The following THOC5 variants were observed in gnomAD, a reference collection of about 807,000 sequenced individuals.
THOC5 encodes Fms-interacting protein.
A neutral mutation model predicts 92.9 loss-of-function variants in THOC5; 43 were observed. The ratio of observed to expected loss-of-function variants is 0.46; its 90% confidence interval spans 0.36 to 0.60. The LOEUF is 0.60. Ranked by LOEUF, THOC5 falls within the 20% of genes least tolerant of loss-of-function variation. THOC5 has a pLI of 0.00. For missense variants in THOC5, 659 were observed against 849.4 expected, an observed-to-expected ratio of 0.78 and a Z score of 2.79; for synonymous variants, 296 against 320.1, an observed-to-expected ratio of 0.92 and a Z score of 0.80.
intron 17 of THOC5, among the ~76,000 whole-genome samples, chr22:29,513,387 C>T (rs950575006): frequency 5.3e-5 from 8 of 150,302 alleles, no homozygotes; most frequent in Non-Finnish European, 1.2e-4. Flanking sequence ...GCTTTACCTC[C>T]CCCTGTCCCC....
rs1310384614 is a variant in THOC5, at chr22:29,553,662, C to T, written c.-12+9G>A. Reference sequence around the variant, plus strand: ...TCTCCCAGCCCCACTGCCCTTGTCCCCTCCTCACCTCACAGCTCCAAGAAC... The same window carrying T: ...TCTCCCAGCCCCACTGCCCTTGTCCTCTCCTCACCTCACAGCTCCAAGAAC... On this transcript the variant is annotated intron_variant, in intron 1 of 19. Coordinates refer to ENST00000490103, the MANE Select transcript of THOC5 (RefSeq NM_003678.5). 6.6e-6 allele frequency: 1 copy of T among 152,540 alleles called. No individual in the cohort carries two copies. Among genetic ancestry groups the T allele is most frequent in the Non-Finnish European group, 1.5e-5 (1 of 68,224 alleles). The allele number at this position is 152,540 out of a possible 1,614,324, so 9.4% of individuals were successfully genotyped here.
At chr22:29,515,876 G>C (rs2063323833) in intron 17 of THOC5, among the ~76,000 whole-genome samples, 1 of 152,098 alleles carries the variant, frequency 6.6e-6, no homozygotes, top group African/African-American at 2.4e-5. Context: ...GGCCAGGCAT[G>C]ATGGCTGATG....
At chr22:29,525,795 C>G in intron 12 of THOC5, 43 bp downstream of exon 12, 1 of 1,521,730 alleles carries the variant, frequency 6.6e-7, no homozygotes, top group Non-Finnish European at 9.1e-7. Context: ...CTCTCATCAC[C>G]TCCCCATCCC....
At chr22:29,510,992 C>A in intron 19 of THOC5, 114 bp downstream of exon 19, 2 of 1,139,876 alleles carry the variant, frequency 1.8e-6, no homozygotes, top group East Asian at 2.4e-5. Context: ...TGATAGGCAT[C>A]GGCTGCAGGG....
At chr22:29,552,950 T>C (rs1167124730) in intron 1 of THOC5, among the ~76,000 whole-genome samples, 3 of 152,160 alleles carry the variant, frequency 2.0e-5, no homozygotes, top group Non-Finnish European at 4.4e-5. Context: ...CCCAACCCCG[T>C]GCTCTCTGAA....
rs748590222 is a variant in THOC5 at position 29,539,381 on chromosome 22, G to C, written c.548C>G (p.Pro183Arg). The C allele has an allele frequency of 1.9e-6, 3 of 1,614,018 alleles. No individual in the cohort carries two copies. The South Asian group carries it at 3.3e-5, about 18-fold the overall frequency. The part of the protein sequence containing the change: ...ISKAEVTMGD[P>R]HQQTLARLDW... ...CAGACGTGCCAGTGTTTGCTGGTGA[G>C]GGTCTCCCATGGTGACTTCGGCCTT... is the stretch of plus-strand genomic sequence containing the variant. Residue 183 changes from proline (P) to arginine (R), a missense_variant, in exon 6 of 20, where the codon CCT (proline) becomes CGT (arginine). Physicochemically the swap from Pro to Arg is moderately radical, Grantham distance 103. Transcript: ENST00000490103.
At chr22:29,512,399 C>T (rs1354313410) in intron 17 of THOC5, among the ~76,000 whole-genome samples, 1 of 152,196 alleles carries the variant, frequency 6.6e-6, no homozygotes, top group African/African-American at 2.4e-5. Flanking sequence ...GAGTCTGGTC[C>T]ACCTTGGCTC....
intron 7 of THOC5, among the ~76,000 whole-genome samples, chr22:29,534,286 G>T (rs1267930963): frequency 6.6e-6 from 1 of 152,182 alleles, no homozygotes; most frequent in African/African-American, 2.4e-5. Flanking sequence ...GGAAGATAGG[G>T]ACTGCGAGGG....
Position 29,541,804 on chromosome 22 carries a change from T to G in THOC5, c.452+1055A>C, listed in dbSNP as rs530194366. On this transcript the variant is annotated intron_variant, in intron 5 of 19. Transcript: ENST00000490103. ...TGAACCCGGGAGGCGGAGCTTGCAG[T>G]GAGCCGAGATCACGCCACTGCACTC... Among the ~76,000 whole-genome samples, 271 of 130,280 alleles carry G rather than the reference T, an allele frequency of 2.1e-3. 1 individual carries two copies. The highest frequency in any genetic ancestry group is 4.3e-3 in the Admixed American group (48 of 11,160). The allele number at this position is 130,280 out of a possible 152,430, so 85.5% of individuals were successfully genotyped here. A position where few individuals can be genotyped will look rare whatever the true frequency, so the allele number is the denominator to read the frequency against.
At chr22:29,531,265 G>A (rs933754848) in intron 8 of THOC5, 52 of 985,284 alleles carry the variant, frequency 5.3e-5, no homozygotes, top group Non-Finnish European at 6.3e-5. Context: ...GGGTGGGGTG[G>A]GGGAGAAAAT....
rs776653832 is a variant in THOC5 at position 29,521,115 on chromosome 22, CAGTA to C, written c.1176-20_1176-17del. 16 of 1,584,842 alleles carry C rather than the reference CAGTA, an allele frequency of 1.0e-5. No homozygotes were observed. Among genetic ancestry groups the C allele is most frequent in the Non-Finnish European group, 1.4e-5 (16 of 1,153,748 alleles). On this transcript the variant is annotated splice_polypyrimidine_tract_variant and intron_variant, in intron 12 of 19. Transcript: ENST00000490103. Reference sequence around the variant, plus strand: ...CAGCAAGTCACTAGAAAAGGAAAAACAGTAAGCAGTGAGAATGCAGCCAACATCT... The same window carrying C: ...CAGCAAGTCACTAGAAAAGGAAAAACAGCAGTGAGAATGCAGCCAACATCT...
At chr22:29,517,168 C>G in intron 16 of THOC5, 52 bp from the exon 17 acceptor site, 1 of 1,609,422 alleles carries the variant, frequency 6.2e-7, no homozygotes, top group Non-Finnish European at 8.5e-7. Context: ...TCTGGTTAAA[C>G]CCCCTGCTCT....
rs1356687933 is a variant in THOC5 at position 29,538,675 on chromosome 22, T to C, written c.599+655A>G. The stretch of plus-strand genomic sequence containing the variant: ...AGCCAGGCATGGTGGCAGGCACCCA[T>C]AGTCCTGGCTACTTGGGAGGCTGAG... On this transcript the variant is annotated intron_variant, in intron 6 of 19. Coordinates refer to ENST00000490103, the MANE Select transcript of THOC5 (RefSeq NM_003678.5). 3.3e-5 allele frequency among the ~76,000 whole-genome samples: 5 copies of C among 151,720 alleles called. No individual in the cohort carries two copies. The South Asian group carries it at 6.3e-4, about 19-fold the overall frequency.
chr22:29,539,168 G>T (rs1035567818), intron 6 of THOC5, among the ~76,000 whole-genome samples, 162 bp downstream of exon 6: 3 of 150,518 alleles, frequency 2.0e-5, no homozygotes, highest in Non-Finnish European at 4.4e-5. Context: ...CATCCATGAT[G>T]AGGTTGGTGA....
In THOC5 at chr22:29,544,517, C is replaced by T. The variant is rs760049541; in HGVS notation, c.183G>A (p.Glu61=). 4 of 1,614,122 alleles carry T rather than the reference C, an allele frequency of 2.5e-6. No homozygotes were observed. The highest frequency in any genetic ancestry group is 1.7e-5 in the Admixed American group (1 of 60,018). Residue 61 remains glutamate (E), a synonymous_variant, in exon 3 of 20, where the codon GAG becomes GAA. Transcript: ENST00000490103. ...GGATCTCAGCCATCAGCCTCTGTAG[C>T]TCCTGGCAGGTGTACTTGTATAACT... The part of the protein sequence containing the change: ...DYELYKYTCQ[E]LQRLMAEIQD...
Position 29,528,167 on chromosome 22 carries a change from C to G in THOC5, c.977G>C (p.Arg326Thr). The G allele has an allele frequency of 6.2e-7, 1 of 1,614,162 alleles. No individual in the cohort carries two copies. The highest frequency in any genetic ancestry group is 1.1e-5 in the South Asian group (1 of 91,072). Reference protein sequence around the residue: ...AEEEQTTKRRRPTLGVQLDDK... With the variant: ...AEEEQTTKRRTPTLGVQLDDK... ...GTCCAACTGAACCCCCAGTGTGGGT[C>G]TCCGGCGCTTCTGGACAAAGGAAAG... Residue 326 changes from arginine to threonine, a missense_variant, in exon 11 of 20, where the codon AGA (arginine) becomes ACA (threonine). Physicochemically the swap from Arg to Thr is moderately conservative, Grantham distance 71 (BLOSUM62 -1). Coordinates refer to ENST00000490103, the MANE Select transcript of THOC5 (RefSeq NM_003678.5).
intron 1 of THOC5, among the ~76,000 whole-genome samples, chr22:29,551,437 C>T (rs1415403631): frequency 5.9e-5 from 9 of 151,888 alleles, no homozygotes; most frequent in Non-Finnish European, 1.2e-4. Context: ...TCAGTCTCAA[C>T]AACAACAAAA....
chr22:29,514,790 G>A (rs1054574767), intron 17 of THOC5, among the ~76,000 whole-genome samples: 10 of 144,298 alleles, frequency 6.9e-5, no homozygotes, highest in Admixed American at 2.1e-4. Context: ...CTGCAAGCTC[G>A]AACCTTCCGG....
intron 2 of THOC5, chr22:29,545,136 A>C (rs2063989363): frequency 2.4e-6 from 1 of 413,912 alleles, no homozygotes; most frequent in Non-Finnish European, 4.8e-6. Context: ...GCGGCAAGAG[A>C]AAAATGAGGA....
Sources: allele counts gnomAD v4.1 joint callset (sites outside exome capture counted in the v4.1 genomes callset), GRCh38; gene constraint gnomAD v4.1.1; transcripts MANE v1.5; gene names NCBI Gene and HGNC (gene_info 2026-07-23, HGNC 2026-07-21).